Variants in ZRANB3 observed in about 807,000 individuals in gnomAD.
ZRANB3 encodes DNA annealing helicase and endonuclease ZRANB3.
In ZRANB3, 125 loss-of-function variants were observed where a neutral mutation model predicts 133.8. The observed-to-expected ratio is 0.93, with a 90% CI of 0.81 to 1.08. ZRANB3 has a LOEUF of 1.08. Ranked by LOEUF, ZRANB3 falls within the 50% of genes least tolerant of loss-of-function variation. The pLI is 0.00. For missense variants in ZRANB3, 1,229 were observed against 1,275.5 expected, an observed-to-expected ratio of 0.96 and a Z score of 0.56; for synonymous variants, 387 against 432.7, an observed-to-expected ratio of 0.89 and a Z score of 1.31.
At chr2:135,373,807 A>AGGGGAGGGGG (rs1686293804) in intron 3 of ZRANB3, among the ~76,000 whole-genome samples, 1 of 8,904 alleles carries the variant, frequency 1.1e-4, no homozygotes, top group Non-Finnish European at 2.0e-4. Flanking sequence ...GAAAGAGGGG[A>AGGGGAGGGGG]GGGGAGGGGA....
chr2:135,272,028 G>A, intron 9 of ZRANB3, 141 bp from the exon 10 acceptor site: 3 of 947,596 alleles, frequency 3.2e-6, no homozygotes, highest in Admixed American at 3.7e-5. Flanking sequence ...TGTTATACAA[G>A]AAGAATCTTA....
intron 8 of ZRANB3, among the ~76,000 whole-genome samples, chr2:135,301,746 A>C (rs932560498): frequency 1.3e-5 from 2 of 152,120 alleles, no homozygotes; most frequent in Non-Finnish European, 2.9e-5. Context: ...TGCACCCTCA[A>C]GACTGGGCCA....
chr2:135,431,109 TA>T (rs1287289398), intron 2 of ZRANB3, among the ~76,000 whole-genome samples: 333 of 134,742 alleles, frequency 2.5e-3, no homozygotes, highest in Admixed American at 2.8e-3. Context: ...ACTCTATCCC[TA>T]AAAAAAAAAA....
intron 2 of ZRANB3, among the ~76,000 whole-genome samples, chr2:135,458,665 T>C (rs1038456289): frequency 1.3e-5 from 2 of 152,074 alleles, no homozygotes; most frequent in Non-Finnish European, 2.9e-5. Flanking sequence ...AGACAGTCCC[T>C]AGATCTAAGT....
chr2:135,273,118 G>A (rs867533745), intron 9 of ZRANB3, among the ~76,000 whole-genome samples: 2 of 151,258 alleles, frequency 1.3e-5, no homozygotes, highest in Admixed American at 6.6e-5. Flanking sequence ...CCCGGGAGGC[G>A]GAGCTTGCAG....
chr2:135,414,311 C>T lies in ZRANB3; in HGVS notation c.162-23491G>A, dbSNP rs1489611750. On this transcript the variant is annotated intron_variant, in intron 2 of 20. Transcript: ENST00000264159. ...AAGGCAGGGGTTGCAATCCTAGTCT[C>T]GGATAAAACAGACTTTAAACCAACA... 2.0e-5 allele frequency among the ~76,000 whole-genome samples: 3 copies of T among 152,086 alleles called. No individual in the cohort carries two copies. In the East Asian group the frequency reaches 5.8e-4, roughly 29 times the overall value.
Position 135,392,673 on chromosome 2 carries a change from G to A in ZRANB3, c.162-1853C>T, listed in dbSNP as rs1314876195. On this transcript the variant is annotated intron_variant, in intron 2 of 20. Transcript: ENST00000264159. ...CTGAGCAGGAGAAACACTTGAACCC[G>A]GGAGGCAGAGGTTGCAGTGAGCCAA... Among the ~76,000 whole-genome samples the A allele has an allele frequency of 3.3e-5, 5 of 151,972 alleles. 1 individual carries two copies. The highest frequency in any genetic ancestry group is 2.6e-4 in the Admixed American group (4 of 15,252).
At chr2:135,308,800 G>C (rs1682827504) in intron 8 of ZRANB3, among the ~76,000 whole-genome samples, 1 of 151,522 alleles carries the variant, frequency 6.6e-6, no homozygotes, top group Admixed American at 6.6e-5. Context: ...TTCACTTATA[G>C]TAGTGCTAGA....
chr2:135,475,332 T>A (rs1219476727), intron 2 of ZRANB3, among the ~76,000 whole-genome samples: 1 of 152,218 alleles, frequency 6.6e-6, no homozygotes, highest in African/African-American at 2.4e-5. Flanking sequence ...CTGCCCTCCA[T>A]CCACTTCTCT....
At chr2:135,356,677 G>T (rs1685451114) in intron 3 of ZRANB3, among the ~76,000 whole-genome samples, 1 of 152,028 alleles carries the variant, frequency 6.6e-6, no homozygotes, top group South Asian at 2.1e-4. Context: ...TGTTTTTGTT[G>T]TTGTTTTTGT....
In ZRANB3 at chr2:135,462,555, TTTCC is replaced by T. The variant is rs550308521; in HGVS notation, c.161+41770_161+41773del. On this transcript the variant is annotated intron_variant, in intron 2 of 20. Transcript: ENST00000264159. ...CCTTTCTTTCCCTTCCTTCCTTTCTTTTCCTTCCTTCCTTCCTTCCTCCCTCCCT... is the reference window on the plus strand; with the variant it reads ...CCTTTCTTTCCCTTCCTTCCTTTCTTTTCCTTCCTTCCTTCCTCCCTCCCT... Among the ~76,000 whole-genome samples the T allele has an allele frequency of 7.8e-3, 1,177 of 151,712 alleles. 13 individuals are homozygous for T. Among genetic ancestry groups the T allele is most frequent in the African/African-American group, 0.024 (1,008 of 41,332 alleles).
intron 12 of ZRANB3, among the ~76,000 whole-genome samples, chr2:135,231,594 TACAAAAAAAC>T (rs1442804208): frequency 6.6e-6 from 1 of 151,828 alleles, no homozygotes; most frequent in African/African-American, 2.4e-5. Flanking sequence ...ACCCCGTCAC[TACAAAAAAAC>T]ACAAAAAAAC....
At chr2:135,395,681 C>T (rs1219279862) in intron 2 of ZRANB3, among the ~76,000 whole-genome samples, 1 of 152,054 alleles carries the variant, frequency 6.6e-6, no homozygotes. Flanking sequence ...TGGTCTCAAA[C>T]ACCTGACCTC....
At chr2:135,272,417 T>TTTTTTTTTTTTTTTTTTTTTTTTTTTTTG (rs1680567213) in intron 9 of ZRANB3, among the ~76,000 whole-genome samples, 1 of 134,826 alleles carries the variant, frequency 7.4e-6, no homozygotes, top group Non-Finnish European at 1.5e-5. Flanking sequence ...AATAGAGCTT[T>TTTTTTTTTTTTTTTTTTTTTTTTTTTTTG]TTTTTTTTTT....
chr2:135,283,984 T>TA (rs954797798), intron 8 of ZRANB3, among the ~76,000 whole-genome samples: 8 of 151,798 alleles, frequency 5.3e-5, no homozygotes, highest in Non-Finnish European at 4.4e-5. Flanking sequence ...CCCTGACCCT[T>TA]AAAAAAAATC....
At chr2:135,405,541 G>A (rs993015264) in intron 2 of ZRANB3, among the ~76,000 whole-genome samples, 16 of 152,168 alleles carry the variant, frequency 1.1e-4, no homozygotes, top group East Asian at 3.9e-4. Context: ...CACAGCACAC[G>A]TATTCCAAAA....
chr2:135,384,285 C>A (rs1270189993), intron 3 of ZRANB3, among the ~76,000 whole-genome samples: 7 of 152,150 alleles, frequency 4.6e-5, no homozygotes, highest in Non-Finnish European at 8.8e-5. Flanking sequence ...TCTCCCAAGA[C>A]TAAACCAGGA....
chr2:135,317,855 C>A (rs1190163356), intron 6 of ZRANB3, among the ~76,000 whole-genome samples: 1 of 152,102 alleles, frequency 6.6e-6, no homozygotes, highest in Non-Finnish European at 1.5e-5. Flanking sequence ...ACTCTCCCCA[C>A]CCACATCTCT....
intron 2 of ZRANB3, among the ~76,000 whole-genome samples, chr2:135,410,099 C>T (rs1284946334): frequency 1.3e-5 from 2 of 152,094 alleles, no homozygotes; most frequent in East Asian, 3.9e-4. Flanking sequence ...TCCTATCAAA[C>T]TACCAATGGC....
Sources: allele counts gnomAD v4.1 joint callset (sites outside exome capture counted in the v4.1 genomes callset), GRCh38; gene constraint gnomAD v4.1.1; transcripts MANE v1.5; gene names NCBI Gene and HGNC (gene_info 2026-07-23, HGNC 2026-07-21).